Variants in CSMD3 observed in about 807,000 individuals in gnomAD.
The protein encoded by CSMD3 is CUB and Sushi multiple domains 3, also known as CUB and sushi domain-containing protein 3.
CSMD3 carries 177 observed loss-of-function variants against 435.2 expected under a neutral mutation model. The ratio of observed to expected loss-of-function variants is 0.41; its 90% CI spans 0.36 to 0.46. CSMD3 has a LOEUF of 0.46. CSMD3 is among the 20% of genes least tolerant of loss of function. The pLI, the probability that CSMD3 is intolerant of heterozygous loss-of-function variation, is 0.34. For missense variants in CSMD3, 4,265 were observed against 4,504.6 expected (o/e 0.95, Z 1.52); for synonymous variants, 1,656 against 1,520.5 (o/e 1.09, Z -2.07).
At chr8:112,621,874 C>G (rs2131518776) in intron 22 of CSMD3, among the ~76,000 whole-genome samples, 1 of 152,252 alleles carries the variant, frequency 6.6e-6, no homozygotes, top group Non-Finnish European at 1.5e-5. Flanking sequence ...CAAATATGGA[C>G]TCTCTTATGA....
intron 24 of CSMD3, among the ~76,000 whole-genome samples, chr8:112,562,254 T>A (rs1166189961): frequency 1.3e-5 from 2 of 151,628 alleles, no homozygotes; most frequent in African/African-American, 4.8e-5. Context: ...CATACCTTAC[T>A]AGCAAAACAC....
intron 4 of CSMD3, among the ~76,000 whole-genome samples, chr8:113,160,053 T>C (rs779626126): frequency 5.9e-5 from 9 of 152,060 alleles, no homozygotes; most frequent in South Asian, 4.1e-4. Context: ...ATGATGGTAA[T>C]TGACACTTTT....
chr8:112,403,676 C>T (rs922518344), intron 35 of CSMD3, among the ~76,000 whole-genome samples: 5 of 151,956 alleles, frequency 3.3e-5, no homozygotes, highest in African/African-American at 7.3e-5. Context: ...GTAGAGCCCC[C>T]GAGACCTAGT....
intron 1 of CSMD3, among the ~76,000 whole-genome samples, chr8:113,330,733 TA>T (rs1211669441): frequency 5.3e-5 from 8 of 151,726 alleles, no homozygotes; most frequent in African/African-American, 4.8e-5. Flanking sequence ...TCCATATTAA[TA>T]AAAAAATATG....
In CSMD3 at chr8:112,311,041, C is replaced by A. The variant is rs1216065674; in HGVS notation, c.7822G>T (p.Ala2608Ser). ...CCATAGGAAGACTTTCTGCACACAG[C>A]ACTGCTTTTTCCAACAAGTCGGAAT... ...RGFRLVGKSS[A>S]VCRKSSYGYH... The change falls in exon 50 of 71, where the codon GCT becomes TCT. Residue 2608 changes from alanine (A) to serine (S), a missense_variant. Ala to Ser is a moderately conservative substitution (Grantham distance 99). Around this residue, in one of 3 missense-constraint regions of CSMD3, gnomAD observed 3,255 missense variants for 3,380.2 expected, o/e 0.96. Transcript: ENST00000297405. 1 of 1,614,102 alleles carries A rather than the reference C, an allele frequency of 6.2e-7. No individual in the cohort carries two copies. Among genetic ancestry groups the A allele is most frequent in the East Asian group, 2.2e-5 (1 of 44,858 alleles).
intron 32 of CSMD3, among the ~76,000 whole-genome samples, chr8:112,422,719 A>G (rs894609711): frequency 6.6e-6 from 1 of 152,230 alleles, no homozygotes; most frequent in Non-Finnish European, 1.5e-5. Context: ...CAAATACACC[A>G]TATTCTGTGG....
At chr8:112,935,139 A>G (rs973050509) in intron 9 of CSMD3, among the ~76,000 whole-genome samples, 1 of 152,082 alleles carries the variant, frequency 6.6e-6, no homozygotes, top group Admixed American at 6.6e-5. Flanking sequence ...TTCTGACACC[A>G]TTTATTGAAG....
intron 3 of CSMD3, among the ~76,000 whole-genome samples, chr8:113,184,139 G>T (rs576997092): frequency 1.5e-4 from 23 of 152,040 alleles, no homozygotes; most frequent in African/African-American, 5.5e-4. Context: ...TATTACAGAA[G>T]ATATTACACA....
At chr8:113,024,224 C>T (rs2086790109) in intron 5 of CSMD3, among the ~76,000 whole-genome samples, 1 of 151,906 alleles carries the variant, frequency 6.6e-6, no homozygotes, top group African/African-American at 2.4e-5. Flanking sequence ...TTGAGGTTTA[C>T]CCATGTTGTC....
intron 22 of CSMD3, among the ~76,000 whole-genome samples, chr8:112,604,927 T>C (rs4876478): frequency 9.9e-6 from 1 of 100,604 alleles, no homozygotes; most frequent in Non-Finnish European, 2.0e-5. Context: ...AGAACCTTGT[T>C]AGCAAGCAAA....
At chr8:112,554,127 T>C (rs997060179) in intron 25 of CSMD3, among the ~76,000 whole-genome samples, 1 of 151,878 alleles carries the variant, frequency 6.6e-6, no homozygotes, top group South Asian at 2.1e-4. Context: ...GCCCCCACCA[T>C]TGCATGATTC....
chr8:112,622,557 T>A (rs1814339318), intron 22 of CSMD3, among the ~76,000 whole-genome samples: 1 of 152,216 alleles, frequency 6.6e-6, no homozygotes. Flanking sequence ...CAATGATGAA[T>A]GTTGTGTTTT....
intron 38 of CSMD3, among the ~76,000 whole-genome samples, chr8:112,364,742 T>G (rs1586886169): frequency 6.6e-6 from 1 of 152,056 alleles, no homozygotes; most frequent in East Asian, 1.9e-4. Context: ...TTTAATGATA[T>G]TCCATGAGCT....
chr8:112,910,129 C>T (rs1001348770), intron 10 of CSMD3, among the ~76,000 whole-genome samples: 1 of 151,782 alleles, frequency 6.6e-6, no homozygotes, highest in Non-Finnish European at 1.5e-5. Flanking sequence ...AATATATTAA[C>T]TGAATTATCC....
At chr8:112,273,935 CA>C (rs76030401) in intron 59 of CSMD3, among the ~76,000 whole-genome samples, 2,058 of 79,202 alleles carry the variant, frequency 0.026, 20 homozygotes, top group Admixed American at 0.082. Flanking sequence ...AGGTAACATA[CA>C]AAAAAAAAAA....
chr8:112,442,828 C>T (rs1424317608), intron 32 of CSMD3, among the ~76,000 whole-genome samples: 7 of 152,150 alleles, frequency 4.6e-5, no homozygotes, highest in Admixed American at 4.6e-4. Context: ...AACAGGAATG[C>T]AGATGTGATA....
At chr8:113,146,228 T>TA (rs1193431432) in intron 4 of CSMD3, among the ~76,000 whole-genome samples, 2 of 151,436 alleles carry the variant, frequency 1.3e-5, no homozygotes, top group African/African-American at 2.4e-5. Flanking sequence ...TATCCAGGAA[T>TA]AAAAAAATGA....
rs1015088312 is a variant in CSMD3 at position 112,345,974 on chromosome 8, T to G, written c.6442+123A>C. 5 of 743,054 alleles carry G rather than the reference T, an allele frequency of 6.7e-6. No individual in the cohort carries two copies. In the African/African-American group the frequency reaches 8.6e-5, roughly 13 times the overall value. The allele number at this position is 743,054 out of a possible 1,614,324, so 46.0% of individuals were successfully genotyped here. A position where few individuals can be genotyped will look rare whatever the true frequency, so the allele number is the denominator to read the frequency against. On this transcript the variant is annotated intron_variant, in intron 41 of 70. Transcript: ENST00000297405. Reference sequence around the variant, plus strand: ...TCACTCTTCAATTTACATAGTTGTATGTATTCCTAAACTAAACTGCAATTT... The same window carrying G: ...TCACTCTTCAATTTACATAGTTGTAGGTATTCCTAAACTAAACTGCAATTT...
At chr8:112,340,884 A>C (rs1825028324) in intron 42 of CSMD3, among the ~76,000 whole-genome samples, 1 of 152,242 alleles carries the variant, frequency 6.6e-6, no homozygotes, top group Non-Finnish European at 1.5e-5. Context: ...ATTAGATAGA[A>C]TAGGAAGAAT....
Sources: allele counts gnomAD v4.1 joint callset (sites outside exome capture counted in the v4.1 genomes callset), GRCh38; gene constraint gnomAD v4.1.1; regional missense constraint gnomAD v4.1.1; transcripts MANE v1.5; gene names NCBI Gene and HGNC (gene_info 2026-07-23, HGNC 2026-07-21).